Variants in ANXA1 observed in about 807,000 individuals in gnomAD.
ANXA1 encodes annexin I (lipocortin I).
In ANXA1, 39 loss-of-function variants were observed where a neutral mutation model predicts 47.9. The ratio of observed to expected loss-of-function variants is 0.81; its 90% CI spans 0.63 to 1.06. The LOEUF (loss-of-function observed/expected upper bound fraction) is 1.06, where lower values mean the gene tolerates loss of function less well. ANXA1 is among the 50% of genes least tolerant of loss of function. The pLI, the probability that ANXA1 is intolerant of heterozygous loss-of-function variation, is 0.00. For synonymous variants in ANXA1, 146 were observed against 142.5 expected (o/e 1.02, Z -0.17); for missense variants, 446 against 422.7 (o/e 1.06, Z -0.48).
At position 73,160,827 on chromosome 9, in the gene ANXA1, CTAAT is replaced by C; in HGVS notation, c.411_414del (p.Ile138ArgfsTer22). ...GGGCCTTGGAACTGATGAAGATACT[CTAAT>C]TGAGATTTTGGCATCAAGAACTAAC... On this transcript the variant is annotated frameshift_variant, in exon 6 of 13. Coordinates refer to ENST00000257497, the MANE Select transcript of ANXA1 (RefSeq NM_000700.3). LOFTEE classifies it high-confidence loss of function. 6.2e-7 allele frequency: 1 copy of C among 1,612,494 alleles called. No individual in the cohort carries two copies. Among genetic ancestry groups the C allele is most frequent in the South Asian group, 1.1e-5 (1 of 91,024 alleles).
rs141810071 is a variant in ANXA1 at position 73,167,505 on chromosome 9, G to T, written c.811G>T (p.Ala271Ser). 6.2e-7 allele frequency: 1 copy of T among 1,613,112 alleles called. No homozygotes were observed. The highest frequency in any genetic ancestry group is 1.1e-5 in the South Asian group (1 of 91,006). ...EKCLTAIVKC[A>S]TSKPAFFAEK... ...ATTTTCTTCTCTAACAGTGAAGTGC[G>T]CCACAAGCAAACCAGCTTTCTTTGC... is the stretch of plus-strand genomic sequence containing the variant. The change falls in exon 11 of 13, where the codon GCC becomes TCC. Residue 271 changes from alanine (A) to serine (S), a missense_variant. By Grantham distance (99) the Ala-to-Ser change is moderately conservative (BLOSUM62 1). Coordinates refer to ENST00000257497, the MANE Select transcript of ANXA1 (RefSeq NM_000700.3).
chr9:73,167,391 A>AG, intron 10 of ANXA1, 106 bp from the exon 11 acceptor site: 6 of 946,058 alleles, frequency 6.3e-6, no homozygotes, highest in Middle Eastern at 6.3e-4. Flanking sequence ...AATGATGATG[A>AG]GGGATAGAAC....
intron 12 of ANXA1, among the ~76,000 whole-genome samples, chr9:73,169,781 T>A (rs1824292716): frequency 6.6e-6 from 1 of 152,172 alleles, no homozygotes; most frequent in Admixed American, 6.5e-5. Flanking sequence ...ACTTATTTAA[T>A]TTTGTGTGAT....
intron 4 of ANXA1, 55 bp downstream of exon 4, chr9:73,159,478 A>T (rs1020609364): frequency 9.4e-6 from 14 of 1,492,114 alleles, no homozygotes; most frequent in Non-Finnish European, 1.3e-5. Flanking sequence ...ATACTTAACC[A>T]TGGATTCGGA....
In ANXA1 at chr9:73,162,805, GAC is replaced by G; in HGVS notation, c.501_502del (p.Ile168AsnfsTer17). ...REELKRDLAK[D>X]ITSDTSGDFR... ...AGAACTGAAGAGAGATCTGGCCAAA[GAC>G]ATAACCTCAGACACATCTGGAGATT... On this transcript the variant is annotated frameshift_variant, in exon 7 of 13. Coordinates refer to ENST00000257497, the MANE Select transcript of ANXA1 (RefSeq NM_000700.3). LOFTEE classifies it high-confidence loss of function. The G allele has an allele frequency of 1.2e-6, 2 of 1,613,114 alleles. No individual in the cohort carries two copies. The highest frequency in any genetic ancestry group is 1.7e-6 in the Non-Finnish European group (2 of 1,179,432).
chr9:73,155,150 C>T (rs961640999), intron 1 of ANXA1, among the ~76,000 whole-genome samples: 1 of 152,140 alleles, frequency 6.6e-6, no homozygotes, highest in Non-Finnish European at 1.5e-5. Flanking sequence ...CACAAAAAGA[C>T]CATTAATTAG....
chr9:73,155,814 AG>A (rs1824036712), intron 1 of ANXA1, among the ~76,000 whole-genome samples: 1 of 152,118 alleles, frequency 6.6e-6, no homozygotes, highest in Admixed American at 6.6e-5. Context: ...CAAATCACAA[AG>A]CTGTCTCCTC....
In ANXA1 at chr9:73,170,169, A is replaced by G; in HGVS notation, c.*62A>G. The G allele has an allele frequency of 7.1e-7, 1 of 1,403,060 alleles. No homozygotes were observed. The highest frequency in any genetic ancestry group is 9.8e-7 in the Non-Finnish European group (1 of 1,023,706). The allele number at this position is 1,403,060 out of a possible 1,614,324, so 86.9% of individuals were successfully genotyped here. On this transcript the variant is annotated 3_prime_UTR_variant, in exon 13 of 13. Transcript: ENST00000257497. ...CTTTAATTATATATTTTCATCCTAT[A>G]AGCTTAAATAGGAAAGTTTCTTCAA...
At chr9:73,155,625 C>T (rs924295711) in intron 1 of ANXA1, among the ~76,000 whole-genome samples, 2 of 152,102 alleles carry the variant, frequency 1.3e-5, no homozygotes, top group Admixed American at 6.5e-5. Context: ...TATATCCTGC[C>T]TTGATGCTCC....
intron 6 of ANXA1, among the ~76,000 whole-genome samples, chr9:73,161,783 T>G (rs1824147460): frequency 6.6e-6 from 1 of 152,198 alleles, no homozygotes; most frequent in African/African-American, 2.4e-5. Flanking sequence ...GATGATTATT[T>G]TTGTTTGATA....
chr9:73,168,563 A>G (rs1252794498), intron 11 of ANXA1: 1 of 152,594 alleles, frequency 6.6e-6, no homozygotes, highest in Non-Finnish European at 1.5e-5. Context: ...TTCTCAAGAC[A>G]GTAAGTATAG....
chr9:73,160,732 C>T, intron 5 of ANXA1, 71 bp from the exon 6 acceptor site: 1 of 1,210,556 alleles, frequency 8.3e-7, no homozygotes, highest in South Asian at 1.4e-5. Context: ...TTTTGGAACA[C>T]CAAAAACTCA....
At position 73,169,061 on chromosome 9, in the gene ANXA1, C is replaced by A. The variant is rs375109829; in HGVS notation, c.891C>A (p.Ile297=). The A allele has an allele frequency of 1.6e-5, 25 of 1,612,528 alleles. No homozygotes were observed. The African/African-American group carries it at 3.1e-4, about 20-fold the overall frequency. Residue 297 remains isoleucine (I), a synonymous_variant, in exon 12 of 13, where the codon ATC becomes ATA. Coordinates refer to ENST00000257497, the MANE Select transcript of ANXA1 (RefSeq NM_000700.3). ...TTGGAACTCGCCATAAGGCATTGATCAGGATTATGGTTTCCCGTTCTGAAA... is the reference window on the plus strand; with the variant it reads ...TTGGAACTCGCCATAAGGCATTGATAAGGATTATGGTTTCCCGTTCTGAAA... ...KGVGTRHKAL[I]RIMVSRSEID...
At chr9:73,168,831 C>T in intron 11 of ANXA1, 1 of 435,926 alleles carries the variant, frequency 2.3e-6, no homozygotes, top group Non-Finnish European at 4.0e-6. Flanking sequence ...TCTATACCTA[C>T]CGCTAATGTA....
chr9:73,160,817 T>A lies in ANXA1; in HGVS notation c.399T>A (p.Asp133Glu). Residue 133 changes from aspartate (D) to glutamate (E), a missense_variant, in exon 6 of 13, where the codon GAT (aspartate) becomes GAA (glutamate). Transcript: ENST00000257497. ...TTCAAATTTAGGGCCTTGGAACTGATGAAGATACTCTAATTGAGATTTTGG... is the reference window on the plus strand; with the variant it reads ...TTCAAATTTAGGGCCTTGGAACTGAAGAAGATACTCTAATTGAGATTTTGG... ...LRAAMKGLGTDEDTLIEILAS... is the reference protein window; with the variant it reads ...LRAAMKGLGTEEDTLIEILAS... The A allele has an allele frequency of 1.2e-6, 2 of 1,612,048 alleles. No individual in the cohort carries two copies. The highest frequency in any genetic ancestry group is 2.2e-5 in the South Asian group (2 of 91,024).
At chr9:73,155,239 G>T (rs1563960555) in intron 1 of ANXA1, among the ~76,000 whole-genome samples, 1 of 152,200 alleles carries the variant, frequency 6.6e-6, no homozygotes, top group Admixed American at 6.5e-5. Context: ...ATGAGCTCAT[G>T]CTAAGTACTG....
In ANXA1 at chr9:73,169,072, T is replaced by C; in HGVS notation, c.902T>C (p.Val301Ala). 1.2e-6 allele frequency: 2 copies of C among 1,613,408 alleles called. No individual in the cohort carries two copies. Among genetic ancestry groups the C allele is most frequent in the East Asian group, 2.2e-5 (1 of 44,842 alleles). The change falls in exon 12 of 13, where the codon GTT becomes GCT. Residue 301 changes from valine to alanine, a missense_variant. Physicochemically the swap from Val to Ala is moderately conservative, Grantham distance 64. Transcript: ENST00000257497. Reference sequence around the variant, plus strand: ...CATAAGGCATTGATCAGGATTATGGTTTCCCGTTCTGAAATTGACATGAAT... The same window carrying C: ...CATAAGGCATTGATCAGGATTATGGCTTCCCGTTCTGAAATTGACATGAAT... ...TRHKALIRIM[V>A]SRSEIDMNDI...
intron 12 of ANXA1, 68 bp from the exon 13 acceptor site, chr9:73,169,983 A>G (rs1033363106): frequency 3.7e-5 from 44 of 1,198,656 alleles, no homozygotes; most frequent in South Asian, 2.0e-4. Flanking sequence ...TAATTCTTCT[A>G]TAAGTAAAAA....
chr9:73,170,129 G>A lies in ANXA1; in HGVS notation c.*22G>A, dbSNP rs1208258244. ...CTAAACATTCCCTTGATGGTCTCAA[G>A]CTATGATCAGAAGACTTTAATTATA... On this transcript the variant is annotated 3_prime_UTR_variant, in exon 13 of 13. Coordinates refer to ENST00000257497, the MANE Select transcript of ANXA1 (RefSeq NM_000700.3). The A allele has an allele frequency of 1.3e-6, 2 of 1,584,284 alleles. No individual in the cohort carries two copies. The highest frequency in any genetic ancestry group is 2.7e-5 in the African/African-American group (2 of 73,586).
Sources: allele counts gnomAD v4.1 joint callset (sites outside exome capture counted in the v4.1 genomes callset), GRCh38; gene constraint gnomAD v4.1.1; transcripts MANE v1.5; gene names NCBI Gene and HGNC (gene_info 2026-07-23, HGNC 2026-07-21).